The following IL4R variants were observed in gnomAD, a reference collection of about 807,000 sequenced individuals.
The protein encoded by IL4R is interleukin-4 receptor subunit alpha.
IL4R carries 17 observed loss-of-function variants against 41.5 expected under a neutral mutation model. The ratio of observed to expected loss-of-function variants is 0.41; its 90% CI spans 0.28 to 0.61. The LOEUF (loss-of-function observed/expected upper bound fraction) is 0.61, where lower values mean the gene tolerates loss of function less well. Ranked by LOEUF, IL4R falls within the 20% of genes least tolerant of loss-of-function variation. The pLI is 0.31. For synonymous variants in IL4R, 402 were observed against 422.9 expected (o/e 0.95, Z 0.61); for missense variants, 974 against 1,043.1 (o/e 0.93, Z 0.91).
At chr16:27,334,713 C>G (rs1380038415) in intron 2 of IL4R, among the ~76,000 whole-genome samples, 1 of 152,056 alleles carries the variant, frequency 6.6e-6, no homozygotes, top group Admixed American at 6.6e-5. Flanking sequence ...GTGTCAGGAA[C>G]CCACCACCCC....
chr16:27,361,735 G>A (rs1056778209), intron 10 of IL4R, among the ~76,000 whole-genome samples: 2 of 150,982 alleles, frequency 1.3e-5, no homozygotes, highest in Non-Finnish European at 2.9e-5. Context: ...CTTCTAAGTA[G>A]CTGGGACTAC....
At chr16:27,330,566 G>A (rs905236119) in intron 2 of IL4R, among the ~76,000 whole-genome samples, 1 of 151,928 alleles carries the variant, frequency 6.6e-6, no homozygotes, top group African/African-American at 2.4e-5. Flanking sequence ...ACTCATTTTT[G>A]TGTTTGCGTA....
chr16:27,322,103 G>GTT (rs10631013), intron 1 of IL4R, among the ~76,000 whole-genome samples: 5,412 of 145,154 alleles, frequency 0.037, 308 homozygotes, highest in African/African-American at 0.12. Flanking sequence ...TCACTATGTG[G>GTT]TTTTTTTTTT....
In IL4R at chr16:27,357,488, G is replaced by A. The variant is rs143133695; in HGVS notation, c.771-1428G>A. 1.9e-4 allele frequency among the ~76,000 whole-genome samples: 29 copies of A among 152,238 alleles called. 2 individuals are homozygous for A. In the East Asian group the frequency reaches 5.2e-3, roughly 27 times the overall value. ...TAATTTAATTTTATTTTTTGGGACAGAGTGGAGTCTCAAAAACCAAGCTGG... is the reference window on the plus strand; with the variant it reads ...TAATTTAATTTTATTTTTTGGGACAAAGTGGAGTCTCAAAAACCAAGCTGG... On this transcript the variant is annotated intron_variant, in intron 8 of 10. Coordinates refer to ENST00000395762, the MANE Select transcript of IL4R (RefSeq NM_000418.4).
chr16:27,340,020 G>A (rs777372371), intron 2 of IL4R, among the ~76,000 whole-genome samples, 166 bp from the exon 3 acceptor site: 1 of 152,134 alleles, frequency 6.6e-6, no homozygotes, highest in South Asian at 2.1e-4. Context: ...TTGCACCACT[G>A]CACTCCAGCC....
intron 1 of IL4R, among the ~76,000 whole-genome samples, chr16:27,316,155 C>G (rs2084643144): frequency 6.6e-6 from 1 of 152,034 alleles, no homozygotes; most frequent in South Asian, 2.1e-4. Context: ...TCGCTTGAAC[C>G]CAGGAGTTTG....
chr16:27,346,380 G>T, intron 5 of IL4R, 87 bp from the exon 6 acceptor site: 1 of 1,389,280 alleles, frequency 7.2e-7, no homozygotes, highest in South Asian at 1.2e-5. Context: ...AAATCTGGGT[G>T]GTGGCTGTGG....
chr16:27,352,498 C>T (rs144922755), intron 6 of IL4R, 42 bp from the exon 7 acceptor site: 290 of 1,591,448 alleles, frequency 1.8e-4, no homozygotes, highest in Non-Finnish European at 2.3e-4. Flanking sequence ...TGGTGCCCCT[C>T]GCCCCCGGCT....
Position 27,340,230 on chromosome 16 carries a change from G to A in IL4R, c.27G>A (p.Leu9=), listed in dbSNP as rs1236757696. Residue 9 remains leucine, a synonymous_variant, in exon 3 of 11, where the codon CTG becomes CTA. Transcript: ENST00000395762. ...TGGGGTGGCTTTGCTCTGGGCTCCT[G>A]TTCCCTGTGAGCTGCCTGGTCCTGC... MGWLCSGL[L]FPVSCLVLLQ... is the part of the protein sequence containing the mutation. 5 of 1,613,974 alleles carry A rather than the reference G, an allele frequency of 3.1e-6. No individual in the cohort carries two copies. Among genetic ancestry groups the A allele is most frequent in the Non-Finnish European group, 4.2e-6 (5 of 1,179,976 alleles).
intron 3 of IL4R, chr16:27,341,293 A>G: frequency 1.6e-6 from 1 of 620,516 alleles, no homozygotes; most frequent in Non-Finnish European, 2.9e-6. Context: ...TCTGAAATGC[A>G]GAAGGATGCC....
At chr16:27,356,400 C>A (rs2086081554) in intron 8 of IL4R, among the ~76,000 whole-genome samples, 2 of 151,780 alleles carry the variant, frequency 1.3e-5, no homozygotes, top group Admixed American at 1.3e-4. Flanking sequence ...CAGGACTCCA[C>A]ATTTCTAAAA....
intron 4 of IL4R, among the ~76,000 whole-genome samples, chr16:27,344,046 T>G (rs1004399279): frequency 6.6e-6 from 1 of 152,102 alleles, no homozygotes; most frequent in Admixed American, 6.6e-5. Context: ...GGCTCGCGGC[T>G]GTAATCCCAG....
intron 10 of IL4R, among the ~76,000 whole-genome samples, chr16:27,361,398 G>C (rs2086278996): frequency 4.0e-5 from 6 of 151,560 alleles, no homozygotes; most frequent in Admixed American, 3.9e-4. Flanking sequence ...AGTGAGCGCA[G>C]ATTGTGCCAC....
rs947568894 is a variant in IL4R, at chr16:27,345,295, G to A, written c.361+275G>A. On this transcript the variant is annotated intron_variant, in intron 5 of 10. Transcript: ENST00000395762. This position sits in a 1 kb window ranked among gnomAD's most constrained non-coding sequence, Gnocchi z 4.5. ...CCAGGAAGGCGTATTGAGATGAGGTGTGCTTGCTGGAAGGCATGCCTGCTG... is the reference window on the plus strand; with the variant it reads ...CCAGGAAGGCGTATTGAGATGAGGTATGCTTGCTGGAAGGCATGCCTGCTG... The A allele has an allele frequency of 2.1e-4, 117 of 568,444 alleles. No individual in the cohort carries two copies. Among genetic ancestry groups the A allele is most frequent in the South Asian group, 1.1e-3 (71 of 63,376 alleles). 35.2% of individuals were successfully genotyped at this position (568,444 alleles called of 1,614,324 possible). A position where few individuals can be genotyped will look rare whatever the true frequency, so the allele number is the denominator to read the frequency against.
chr16:27,345,259 A>G lies in IL4R; in HGVS notation c.361+239A>G. On this transcript the variant is annotated intron_variant, in intron 5 of 10. Transcript: ENST00000395762. The surrounding 1 kb of genome is among the most constrained non-coding windows in gnomAD (Gnocchi z 4.5). ...TTCAGCCCAGCTGTTTCCACCCCTG[A>G]ACTTAAGTGCCCAGGAAGGCGTATT... The G allele has an allele frequency of 1.5e-6, 1 of 666,740 alleles. No individual in the cohort carries two copies. The highest frequency in any genetic ancestry group is 2.8e-6 in the Non-Finnish European group (1 of 363,380). 41.3% of individuals were successfully genotyped at this position (666,740 alleles called of 1,614,324 possible).
At position 27,320,584 on chromosome 16, in the gene IL4R, C is replaced by T. The variant is rs7342795; in HGVS notation, c.-152+6564C>T. Among the ~76,000 whole-genome samples the T allele has an allele frequency of 3.3e-4, 51 of 152,314 alleles. 1 individual carries two copies. The highest frequency in any genetic ancestry group is 1.2e-3 in the African/African-American group (50 of 41,570). On this transcript the variant is annotated intron_variant, in intron 1 of 10. Coordinates refer to ENST00000395762, the MANE Select transcript of IL4R (RefSeq NM_000418.4). ...AAACCCAGGGCTACAGACCCAGAAG[C>T]CTGTGCATTTAACCACGGTTCTGAG...
intron 8 of IL4R, among the ~76,000 whole-genome samples, 177 bp downstream of exon 8, chr16:27,356,084 C>CTTTT (rs36125482): frequency 9.7e-5 from 11 of 113,722 alleles, no homozygotes; most frequent in African/African-American, 2.0e-4. Context: ...CCACTTTTTT[C>CTTTT]TTTTTTTTTT....
chr16:27,341,310 G>T (rs1485040063), intron 3 of IL4R: 1 of 612,274 alleles, frequency 1.6e-6, no homozygotes, highest in South Asian at 1.9e-5. Flanking sequence ...TGCCAGAAGA[G>T]AAGGTACTTT....
intron 2 of IL4R, among the ~76,000 whole-genome samples, chr16:27,339,290 C>T (rs1318659635): frequency 6.6e-6 from 1 of 152,092 alleles, no homozygotes; most frequent in East Asian, 1.9e-4. Context: ...AGATGCACAC[C>T]ATTGCACCCA....
Sources: allele counts gnomAD v4.1 joint callset (sites outside exome capture counted in the v4.1 genomes callset), GRCh38; gene constraint gnomAD v4.1.1; non-coding constraint Gnocchi (gnomAD v3.1); transcripts MANE v1.5; gene names NCBI Gene and HGNC (gene_info 2026-07-23, HGNC 2026-07-21).